Variants in LRRC28 observed in about 807,000 individuals in gnomAD.
LRRC28 encodes the protein leucine-rich repeat-containing protein 28.
LRRC28 carries 39 observed loss-of-function variants against 45.7 expected under a neutral mutation model. The ratio of observed to expected loss-of-function variants is 0.85; its 90% CI spans 0.66 to 1.12. The LOEUF (loss-of-function observed/expected upper bound fraction) is 1.12, where lower values mean the gene tolerates loss of function less well. Among genes scored for constraint, LRRC28 ranks in the 50% most tolerant of loss-of-function variants. LRRC28 has a pLI of 0.00. For synonymous variants in LRRC28, 206 were observed against 178.8 expected (o/e 1.15, Z -1.22); for missense variants, 435 against 438.5 (o/e 0.99, Z 0.07).
At chr15:99,324,065 A>G (rs1295980139) in intron 5 of LRRC28, among the ~76,000 whole-genome samples, 2 of 152,194 alleles carry the variant, frequency 1.3e-5, no homozygotes. Flanking sequence ...GTCCCCTATT[A>G]TCTGTGGGAG....
At chr15:99,293,875 G>C (rs986926259) in intron 5 of LRRC28, among the ~76,000 whole-genome samples, 1 of 152,120 alleles carries the variant, frequency 6.6e-6, no homozygotes, top group East Asian at 1.9e-4. Context: ...AGTTCTACTG[G>C]CAGTGAACTA....
chr15:99,333,235 A>G (rs149485550), intron 5 of LRRC28, among the ~76,000 whole-genome samples: 58 of 152,364 alleles, frequency 3.8e-4, no homozygotes, highest in African/African-American at 1.4e-3. Context: ...GGAAGAGATG[A>G]CAACTGTAGA....
At position 99,333,952 on chromosome 15, in the gene LRRC28, C is replaced by A. The variant is rs1221919337; in HGVS notation, c.415C>A (p.Leu139Ile). The change falls in exon 6 of 10, where the codon CTA (leucine) becomes ATA (isoleucine). Residue 139 changes from leucine to isoleucine, a missense_variant. Coordinates refer to ENST00000301981, the MANE Select transcript of LRRC28 (RefSeq NM_144598.5). The part of the protein sequence containing the change: ...EVGDLKELQT[L>I]DISTNRLLTL... ...TGGCGATTTGAAGGAGCTGCAGACA[C>A]TAGACATTTCTACCAATCGTTTGCT... is the stretch of plus-strand genomic sequence containing the variant. 1 of 1,613,984 alleles carries A rather than the reference C, an allele frequency of 6.2e-7. No homozygotes were observed. The highest frequency in any genetic ancestry group is 1.3e-5 in the African/African-American group (1 of 74,914).
At chr15:99,258,813 A>T (rs2081104897) in intron 2 of LRRC28, 12 of 697,600 alleles carry the variant, frequency 1.7e-5, no homozygotes, top group South Asian at 1.6e-4. Flanking sequence ...CTATTTGATG[A>T]ATATGGATCT....
intron 9 of LRRC28, among the ~76,000 whole-genome samples, chr15:99,365,710 T>G (rs1198053917): frequency 1.3e-5 from 2 of 152,226 alleles, no homozygotes; most frequent in East Asian, 3.8e-4. Flanking sequence ...AATGTGAACA[T>G]CTGGCATTAT....
At chr15:99,268,071 T>C (rs565295581) in intron 2 of LRRC28, among the ~76,000 whole-genome samples, 1 of 152,272 alleles carries the variant, frequency 6.6e-6, no homozygotes, top group Admixed American at 6.5e-5. Context: ...TAATTTGTGG[T>C]CCAGTTAGTT....
chr15:99,292,941 G>A (rs2082164247), intron 5 of LRRC28, among the ~76,000 whole-genome samples: 1 of 152,104 alleles, frequency 6.6e-6, no homozygotes, highest in Admixed American at 6.5e-5. Flanking sequence ...TGATCTCTTT[G>A]GAGTTTCTAT....
At chr15:99,361,861 T>G (rs577284779) in intron 8 of LRRC28, among the ~76,000 whole-genome samples, 15 of 152,170 alleles carry the variant, frequency 9.9e-5, no homozygotes, top group Non-Finnish European at 1.6e-4. Context: ...ACTTGGTGTT[T>G]GGGAATGTGT....
At chr15:99,357,420 C>G (rs1297446038) in intron 7 of LRRC28, among the ~76,000 whole-genome samples, 1 of 152,202 alleles carries the variant, frequency 6.6e-6, no homozygotes, top group Non-Finnish European at 1.5e-5. Context: ...AATTAATAAA[C>G]TACAGTACAC....
intron 5 of LRRC28, among the ~76,000 whole-genome samples, chr15:99,318,459 G>T (rs1434539931): frequency 6.6e-6 from 1 of 152,016 alleles, no homozygotes; most frequent in Non-Finnish European, 1.5e-5. Flanking sequence ...CATAGCAATA[G>T]AAATAAAAGT....
In LRRC28 at chr15:99,386,397, C is replaced by T. The variant is rs530512714; in HGVS notation, c.*295C>T. The stretch of plus-strand genomic sequence containing the variant: ...CCAAATCTAATTTAAAGCAAGTTTC[C>T]GGTCCTTGGAGAACAGTGACTTGAT... On this transcript the variant is annotated 3_prime_UTR_variant, in exon 10 of 10. Transcript: ENST00000301981. 9.2e-4 allele frequency: 281 copies of T among 306,424 alleles called. No homozygotes were observed. Among genetic ancestry groups the T allele is most frequent in the Non-Finnish European group, 1.3e-3 (208 of 165,326 alleles). The allele number at this position is 306,424 out of a possible 1,614,324, so 19.0% of individuals were successfully genotyped here. A position where few individuals can be genotyped will look rare whatever the true frequency, so the allele number is the denominator to read the frequency against.
intron 5 of LRRC28, among the ~76,000 whole-genome samples, chr15:99,332,306 C>T (rs910367588): frequency 6.6e-6 from 1 of 152,116 alleles, no homozygotes; most frequent in African/African-American, 2.4e-5. Context: ...TTCAGAGTCA[C>T]AGGCTGTATA....
chr15:99,307,167 T>C (rs1955215729), intron 5 of LRRC28, among the ~76,000 whole-genome samples: 1 of 124,714 alleles, frequency 8.0e-6, no homozygotes. Context: ...TTTACTAGAC[T>C]TTTGGCAGAT....
chr15:99,279,470 G>T (rs184615260), intron 3 of LRRC28, among the ~76,000 whole-genome samples: 1 of 152,202 alleles, frequency 6.6e-6, no homozygotes, highest in African/African-American at 2.4e-5. Flanking sequence ...CTACTCAGAC[G>T]GAATAAAGAC....
At chr15:99,264,091 A>G (rs535352995) in intron 2 of LRRC28, among the ~76,000 whole-genome samples, 13 of 152,390 alleles carry the variant, frequency 8.5e-5, no homozygotes, top group African/African-American at 2.9e-4. Context: ...GGTGCTGCTC[A>G]TAGGCCTAGC....
Position 99,323,440 on chromosome 15 carries a change from C to T in LRRC28, c.386-10483C>T, listed in dbSNP as rs551702157. 1.8e-3 allele frequency among the ~76,000 whole-genome samples: 271 copies of T among 152,190 alleles called. 2 individuals carry two copies. The highest frequency in any genetic ancestry group is 3.6e-3 in the Non-Finnish European group (243 of 68,000). ...GTTACAAGGAATGTCTAAGAGGTTG[C>T]GTTGTTTGATAATTGCAGTTAACTT... On this transcript the variant is annotated intron_variant, in intron 5 of 9. Coordinates refer to ENST00000301981, the MANE Select transcript of LRRC28 (RefSeq NM_144598.5).
chr15:99,255,357 TA>T (rs34994335), intron 1 of LRRC28, among the ~76,000 whole-genome samples: 1 of 148,844 alleles, frequency 6.7e-6, no homozygotes, highest in Middle Eastern at 3.2e-3. Context: ...ACCCTGTCTC[TA>T]AAAAAAAATA....
chr15:99,379,873 A>C (rs1156373066), intron 9 of LRRC28, among the ~76,000 whole-genome samples: 1 of 152,192 alleles, frequency 6.6e-6, no homozygotes, highest in Non-Finnish European at 1.5e-5. Context: ...CTTAATCCTA[A>C]GTTCTAGTTT....
intron 6 of LRRC28, among the ~76,000 whole-genome samples, chr15:99,336,618 C>T (rs7168227): frequency 0.4 from 61,019 of 151,950 alleles, 12,869 homozygotes; most frequent in African/African-American, 0.55. Context: ...TAGAGGCTAG[C>T]GCTTTCTCTC....
Sources: gnomAD v4.1 joint callset for allele counts (sites outside exome capture counted in the v4.1 genomes callset) on GRCh38, gnomAD v4.1.1 for gene constraint, MANE v1.5 for transcripts, NCBI Gene and HGNC (gene_info 2026-07-23, HGNC 2026-07-21) for gene names.